EIF2AK4: variants seen among roughly 807,000 people sequenced by gnomAD.
EIF2AK4 encodes eIF-2-alpha kinase GCN2.
Under a neutral mutation model 211.1 loss-of-function variants are expected in EIF2AK4, and 139 were observed. That is an observed-to-expected ratio of 0.66 (90% CI 0.57 to 0.76). The LOEUF (loss-of-function observed/expected upper bound fraction) is 0.76. Among genes scored for constraint, EIF2AK4 ranks in the 30% least tolerant of loss-of-function variants. The probability of loss-of-function intolerance (pLI) is 0.00; values close to 1 mark genes in which losing one functional copy is unlikely to be tolerated. For missense variants in EIF2AK4, 1,664 were observed against 2,043.8 expected, an observed-to-expected ratio of 0.81 and a Z score of 3.58; for synonymous variants, 710 against 751.3, an observed-to-expected ratio of 0.94 and a Z score of 0.90.
At chr15:40,020,766 C>A in intron 30 of EIF2AK4, 133 bp from the exon 31 acceptor site, 2 of 665,668 alleles carry the variant, frequency 3.0e-6, no homozygotes, top group African/African-American at 1.9e-5. Flanking sequence ...AAGTCTTTGG[C>A]ACGCTGTGTT....
chr15:40,030,547 T>C (rs1365172245), intron 35 of EIF2AK4, 91 bp downstream of exon 35: 12 of 1,339,322 alleles, frequency 9.0e-6, no homozygotes, highest in Admixed American at 2.7e-5. Context: ...AAACATGGAA[T>C]TTCTTGGAAA....
intron 16 of EIF2AK4, among the ~76,000 whole-genome samples, chr15:39,990,962 C>T (rs1041421341): frequency 1.3e-5 from 2 of 152,080 alleles, no homozygotes; most frequent in African/African-American, 2.4e-5. Flanking sequence ...TCTGACTGGT[C>T]GAAACTGTGA....
At chr15:40,025,837 T>C (rs2035459295) in intron 32 of EIF2AK4, 140 bp from the exon 33 acceptor site, 3 of 706,130 alleles carry the variant, frequency 4.2e-6, no homozygotes, top group African/African-American at 1.8e-5. Context: ...CATTGCTAAA[T>C]GTCCCCTGGG....
At chr15:40,011,391 T>G (rs1427891632) in intron 27 of EIF2AK4, 45 bp downstream of exon 27, 1 of 1,522,112 alleles carries the variant, frequency 6.6e-7, no homozygotes, top group Non-Finnish European at 9.0e-7. Flanking sequence ...TCTGTAATTT[T>G]GTGATACCAG....
intron 4 of EIF2AK4, chr15:39,951,342 C>T (rs1201968039): frequency 1.0e-5 from 2 of 194,356 alleles, no homozygotes; most frequent in Non-Finnish European, 2.1e-5. Flanking sequence ...AGGCTTGAGC[C>T]ACCACGCCCG....
chr15:39,934,372 G>T (rs1300819467), intron 1 of EIF2AK4, 33 bp downstream of exon 1: 1 of 1,582,506 alleles, frequency 6.3e-7, no homozygotes, highest in African/African-American at 1.4e-5. Context: ...CCGGGCTGGC[G>T]TGCCCTGGCC....
At chr15:39,968,179 C>G (rs2034571544) in intron 9 of EIF2AK4, among the ~76,000 whole-genome samples, 1 of 152,142 alleles carries the variant, frequency 6.6e-6, no homozygotes, top group South Asian at 2.1e-4. Context: ...GAGAAATGCC[C>G]TAGGTATTCC....
chr15:39,983,652 G>A (rs67654473), intron 13 of EIF2AK4, among the ~76,000 whole-genome samples: 13,020 of 152,250 alleles, frequency 0.086, 782 homozygotes, highest in Middle Eastern at 0.24. Flanking sequence ...TTGTTGGTCA[G>A]GCTCGTCTCA....
Position 39,978,362 on chromosome 15 carries a change from A to G in EIF2AK4, c.2319+215A>G, listed in dbSNP as rs184124402. The G allele has an allele frequency of 2.4e-3, 696 of 290,870 alleles. 1 individual carries two copies. The highest frequency in any genetic ancestry group is 3.5e-3 in the Non-Finnish European group (560 of 158,156). 18.0% of individuals were successfully genotyped at this position (290,870 alleles called of 1,614,324 possible). On this transcript the variant is annotated intron_variant, in intron 13 of 38. Coordinates refer to ENST00000263791, the MANE Select transcript of EIF2AK4 (RefSeq NM_001013703.4). ...CATAGTAAAACATACCTCCTTTTAG[A>G]AGAGAGGAGTCAGTTGAGACACTGC... is the stretch of plus-strand genomic sequence containing the variant.
intron 4 of EIF2AK4, among the ~76,000 whole-genome samples, chr15:39,953,639 C>A (rs1016973948): frequency 1.3e-5 from 2 of 152,202 alleles, no homozygotes; most frequent in Non-Finnish European, 2.9e-5. Context: ...TAGTGGAAAT[C>A]TCCTGCACAT....
chr15:39,976,856 G>A lies in EIF2AK4; in HGVS notation c.2249+12G>A. On this transcript the variant is annotated intron_variant, in intron 12 of 38. Coordinates refer to ENST00000263791, the MANE Select transcript of EIF2AK4 (RefSeq NM_001013703.4). ...TCCCAGTCCTTCCTGTAAGCGCACG[G>A]CGCGGACCAGCTGCCTCTGATGCGC... The A allele has an allele frequency of 1.4e-6, 2 of 1,461,454 alleles. No homozygotes were observed. Among genetic ancestry groups the A allele is most frequent in the South Asian group, 1.4e-5 (1 of 69,522 alleles). 90.5% of individuals were successfully genotyped at this position (1,461,454 alleles called of 1,614,324 possible).
At chr15:40,006,903 G>A in intron 23 of EIF2AK4, 113 bp from the exon 24 acceptor site, 2 of 739,812 alleles carry the variant, frequency 2.7e-6, no homozygotes, top group Non-Finnish European at 4.5e-6. Flanking sequence ...AGCCACTGAA[G>A]TACATACTTT....
chr15:40,000,892 C>G, intron 20 of EIF2AK4, 96 bp from the exon 21 acceptor site: 1 of 1,243,372 alleles, frequency 8.0e-7, no homozygotes. Flanking sequence ...ATAGTGGCAC[C>G]TTTTCTTTGA....
chr15:39,953,852 T>G, intron 4 of EIF2AK4, 52 bp from the exon 5 acceptor site: 1 of 1,540,670 alleles, frequency 6.5e-7, no homozygotes, highest in Non-Finnish European at 8.8e-7. Context: ...ATAATTTATA[T>G]GTTGTATGGG....
At chr15:39,951,347 C>T (rs774979000) in intron 4 of EIF2AK4, 9 of 203,744 alleles carry the variant, frequency 4.4e-5, no homozygotes, top group East Asian at 1.7e-4. Flanking sequence ...TGAGCCACCA[C>T]GCCCGACCCA....
At chr15:39,963,692 A>G (rs2034504201) in intron 7 of EIF2AK4, among the ~76,000 whole-genome samples, 1 of 152,196 alleles carries the variant, frequency 6.6e-6, no homozygotes. Flanking sequence ...ATAAATGATC[A>G]TTGTGGGCAT....
chr15:39,977,516 G>A (rs1221786769), intron 12 of EIF2AK4: 1 of 152,172 alleles, frequency 6.6e-6, no homozygotes. Context: ...TGGCCTGGAG[G>A]TTTGGGACCC....
chr15:40,024,889 GC>G lies in EIF2AK4; in HGVS notation c.4390-1087del, dbSNP rs1284156190. Among the ~76,000 whole-genome samples the G allele has an allele frequency of 3.9e-5, 6 of 152,078 alleles. No individual in the cohort carries two copies. The South Asian group carries it at 1.2e-3, about 32-fold the overall frequency. ...CTACAGGCACGCACCACCATGACTG[GC>G]TAATTTTTGTATTTTTAGTAGAGAC... On this transcript the variant is annotated intron_variant, in intron 32 of 38. Coordinates refer to ENST00000263791, the MANE Select transcript of EIF2AK4 (RefSeq NM_001013703.4).
intron 13 of EIF2AK4, among the ~76,000 whole-genome samples, chr15:39,979,399 C>T (rs569010185): frequency 1.3e-5 from 2 of 152,276 alleles, no homozygotes; most frequent in South Asian, 4.1e-4. Context: ...AAAACATGCT[C>T]ATCAGAAAAA....
Sources: gnomAD v4.1 joint callset for allele counts (sites outside exome capture counted in the v4.1 genomes callset) on GRCh38, gnomAD v4.1.1 for gene constraint, MANE v1.5 for transcripts, NCBI Gene and HGNC (gene_info 2026-07-23, HGNC 2026-07-21) for gene names.